Variants in LIG1 observed in about 807,000 individuals in gnomAD.
LIG1 encodes ligase I, DNA, ATP-dependent.
Under a neutral mutation model 115.7 loss-of-function variants are expected in LIG1, and 70 were observed. That is an observed-to-expected ratio of 0.60 (90% CI 0.50 to 0.74). The LOEUF is 0.74. Ranked by LOEUF, LIG1 falls within the 30% of genes least tolerant of loss-of-function variation. The probability of loss-of-function intolerance (pLI) is 0.00; values close to 1 mark genes in which losing one functional copy is unlikely to be tolerated. For synonymous variants in LIG1, 487 were observed against 495.3 expected (o/e 0.98, Z 0.22); for missense variants, 1,115 against 1,225.6 (o/e 0.91, Z 1.35).
At chr19:48,154,363 G>A (rs274860) in intron 5 of LIG1, 29,210 of 304,542 alleles carry the variant, frequency 0.096, 2,658 homozygotes, top group African/African-American at 0.29. Context: ...AAGTGGCAGG[G>A]AATAAACTAG....
intron 2 of LIG1, among the ~76,000 whole-genome samples, chr19:48,162,972 T>C (rs976834178): frequency 1.3e-5 from 2 of 151,916 alleles, no homozygotes; most frequent in African/African-American, 2.4e-5. Flanking sequence ...TAGAGTGCAA[T>C]GGTGTGATCT....
At chr19:48,151,100 T>C (rs892491554) in intron 7 of LIG1, 132 bp downstream of exon 7, 5 of 644,044 alleles carry the variant, frequency 7.8e-6, no homozygotes, top group Non-Finnish European at 1.4e-5. Context: ...TAAAAACTAT[T>C]ATTCTTCTAG....
chr19:48,151,160 A>G, intron 7 of LIG1, 72 bp downstream of exon 7: 1 of 854,256 alleles, frequency 1.2e-6, no homozygotes, highest in Non-Finnish European at 2.0e-6. Context: ...GTTTAAATTA[A>G]TCATCCTCCA....
chr19:48,164,737 C>T (rs2036383647), intron 2 of LIG1, among the ~76,000 whole-genome samples: 1 of 152,228 alleles, frequency 6.6e-6, no homozygotes, highest in East Asian at 1.9e-4. Context: ...TTTACTCCAG[C>T]AGGTTTCAAT....
chr19:48,125,824 C>T (rs2033627948), intron 21 of LIG1, among the ~76,000 whole-genome samples: 1 of 151,354 alleles, frequency 6.6e-6, no homozygotes, highest in African/African-American at 2.4e-5. Flanking sequence ...ACCGTCTCTA[C>T]TAAAATACAA....
At chr19:48,116,135 G>C (rs912544022) in intron 26 of LIG1, 170 bp from the exon 27 acceptor site, 8 of 642,938 alleles carry the variant, frequency 1.2e-5, no homozygotes, top group African/African-American at 1.1e-4. Flanking sequence ...CCCGGGCACA[G>C]TAAGTGCTCA....
At chr19:48,117,986 G>A in intron 25 of LIG1, 2 of 616,844 alleles carry the variant, frequency 3.2e-6, no homozygotes, top group Non-Finnish European at 2.8e-6. Flanking sequence ...AGTGAAAGAA[G>A]GGAAAAGAAA....
intron 2 of LIG1, among the ~76,000 whole-genome samples, chr19:48,164,386 T>C (rs1182421190): frequency 3.3e-5 from 5 of 152,120 alleles, no homozygotes. Flanking sequence ...TACCATCCAT[T>C]TTTTCCTCCT....
At position 48,162,249 on chromosome 19, in the gene LIG1, C is replaced by T. The variant is rs753117560; in HGVS notation, c.107+13G>A. ...AAGGAAAAAATTCACCATATCCCAG[C>T]CCTGTGACATACTTTGGAGGGGGCT... On this transcript the variant is annotated intron_variant, in intron 3 of 27. Transcript: ENST00000263274. The T allele has an allele frequency of 6.2e-7, 1 of 1,603,500 alleles. No individual in the cohort carries two copies. Among genetic ancestry groups the T allele is most frequent in the Non-Finnish European group, 8.5e-7 (1 of 1,170,416 alleles).
chr19:48,142,287 C>CA (rs1238647118), intron 11 of LIG1, among the ~76,000 whole-genome samples: 2 of 151,696 alleles, frequency 1.3e-5, no homozygotes, highest in East Asian at 1.9e-4. Context: ...AACACACACA[C>CA]AAAAAATTAG....
intron 26 of LIG1, chr19:48,116,179 C>T: frequency 1.8e-6 from 1 of 563,312 alleles, no homozygotes; most frequent in Non-Finnish European, 3.3e-6. Context: ...TGCGGTGGCT[C>T]ACCCCTGTAA....
chr19:48,126,537 A>C (rs1223452181), intron 21 of LIG1, among the ~76,000 whole-genome samples: 1 of 150,994 alleles, frequency 6.6e-6, no homozygotes, highest in Non-Finnish European at 1.5e-5. Flanking sequence ...ACCTGGGAGG[A>C]GGCAGTTGTA....
At chr19:48,135,626 C>T (rs1164850686) in intron 16 of LIG1, 54 bp downstream of exon 16, 3 of 1,413,214 alleles carry the variant, frequency 2.1e-6, no homozygotes, top group Non-Finnish European at 2.0e-6. Context: ...TCCACCCCCA[C>T]CCTGGCACTC....
intron 19 of LIG1, among the ~76,000 whole-genome samples, chr19:48,129,751 T>C (rs2033897812): frequency 6.6e-6 from 1 of 152,010 alleles, no homozygotes. Context: ...CAAGGAAATA[T>C]TTGATTTTTT....
At position 48,127,733 on chromosome 19, in the gene LIG1, A is replaced by G. The variant is rs1035604125; in HGVS notation, c.1932+177T>C. The G allele has an allele frequency of 9.6e-6, 7 of 729,284 alleles. No homozygotes were observed. The African/African-American group carries it at 1.2e-4, about 13-fold the overall frequency. 45.2% of individuals were successfully genotyped at this position (729,284 alleles called of 1,614,324 possible). On this transcript the variant is annotated intron_variant, in intron 20 of 27. Transcript: ENST00000263274. The stretch of plus-strand genomic sequence containing the variant: ...GGCCCTTCCCCTCTTCCTACTTGGG[A>G]TGCTGGGATGAGAATGCGATGGCTG...
rs368672268 is a variant in LIG1 at position 48,134,057 on chromosome 19, G to A, written c.1533C>T (p.Pro511=). Residue 511 remains proline, a synonymous_variant, in exon 17 of 28, where the codon CCC becomes CCT. Transcript: ENST00000263274. ...GCACGGGGATAATTCGGTCCAGGTC[G>A]GGAACCTCGCTGGGGTGGCGGGTGA... ...MILKQTFCEV[P]DLDRIIPVLL... 4.4e-5 allele frequency: 69 copies of A among 1,555,986 alleles called. 1 individual carries two copies. In the African/African-American group the frequency reaches 6.9e-4, roughly 16 times the overall value.
Position 48,161,236 on chromosome 19 carries a change from G to C in LIG1, c.243+136C>G, listed in dbSNP as rs149133874. 1.7e-3 allele frequency: 2,200 copies of C among 1,330,798 alleles called. 25 individuals carry two copies. In the African/African-American group the frequency reaches 0.028, roughly 17 times the overall value. The allele number at this position is 1,330,798 out of a possible 1,614,324, so 82.4% of individuals were successfully genotyped here. A position where few individuals can be genotyped will look rare whatever the true frequency, so the allele number is the denominator to read the frequency against. ...TTAGGACCAGGTTGTGTCTGCCCCC[G>C]ACACAACCAGGAAACACATCTACCT... On this transcript the variant is annotated intron_variant, in intron 4 of 27. Coordinates refer to ENST00000263274, the MANE Select transcript of LIG1 (RefSeq NM_000234.3).
chr19:48,156,657 G>A (rs1261354969), intron 5 of LIG1, among the ~76,000 whole-genome samples: 6 of 152,100 alleles, frequency 3.9e-5, no homozygotes, highest in African/African-American at 1.2e-4. Flanking sequence ...AAAGGCAGGC[G>A]ACTGGCTGGG....
Position 48,115,975 on chromosome 19 carries a change from CG to C in LIG1, c.2584-11del. The C allele has an allele frequency of 6.2e-7, 1 of 1,609,746 alleles. No homozygotes were observed. The highest frequency in any genetic ancestry group is 1.8e-4 in the Middle Eastern group (1 of 5,692). ...CCTTGTCACTATCCACCTGCGGAAG[CG>C]GGATGGAGACTCCTGCGGTCCAGCC... On this transcript the variant is annotated splice_polypyrimidine_tract_variant and intron_variant, in intron 26 of 27. Transcript: ENST00000263274.
Sources: allele counts gnomAD v4.1 joint callset (sites outside exome capture counted in the v4.1 genomes callset), GRCh38; gene constraint gnomAD v4.1.1; transcripts MANE v1.5; gene names NCBI Gene and HGNC (gene_info 2026-07-23, HGNC 2026-07-21).